The following NDUFAF6 variants were observed in gnomAD, a reference collection of about 807,000 sequenced individuals.
NDUFAF6 encodes NADH:ubiquinone oxidoreductase complex assembly factor 6, also known as NADH dehydrogenase (ubiquinone) complex I, assembly factor 6.
Under a neutral mutation model 40.8 loss-of-function variants are expected in NDUFAF6, and 45 were observed. That is an observed-to-expected ratio of 1.10 (90% confidence interval 0.87 to 1.42). The LOEUF is 1.42. Ranked by LOEUF, NDUFAF6 falls within the 40% of genes most tolerant of loss-of-function variation. NDUFAF6 has a pLI of 0.00. For missense variants in NDUFAF6, 435 were observed against 418.5 expected (o/e 1.04, Z -0.34); for synonymous variants, 185 against 155.9 (o/e 1.19, Z -1.39).
intron 8 of NDUFAF6, among the ~76,000 whole-genome samples, chr8:95,054,233 C>T (rs1050065938): frequency 1.3e-5 from 2 of 151,938 alleles, no homozygotes; most frequent in African/African-American, 4.8e-5. Context: ...AGGCATAAAA[C>T]ACCGTGCCCA....
chr8:94,940,274 A>G lies in NDUFAF6; in HGVS notation c.-935-5209A>G, dbSNP rs1586735281. The G allele has an allele frequency of 2.0e-6, 3 of 1,531,184 alleles. No homozygotes were observed. The East Asian group carries it at 6.8e-5, about 35-fold the overall frequency. 94.8% of individuals were successfully genotyped at this position (1,531,184 alleles called of 1,614,324 possible). On this transcript the variant is annotated intron_variant, in intron 1 of 14. Coordinates refer to the NDUFAF6 transcript ENST00000396113. ...ATGTGTTGTTGAAGAGTCCCACAGG[A>G]GGATGATTATCACATTGGGCAGTCA...
intron 1 of NDUFAF6, chr8:94,895,991 G>C (rs1035510552): frequency 2.6e-5 from 4 of 152,430 alleles, no homozygotes; most frequent in African/African-American, 9.7e-5. Flanking sequence ...CCCATGGGTC[G>C]GTCGCTCCCC....
intron 8 of NDUFAF6, among the ~76,000 whole-genome samples, chr8:95,052,841 G>T (rs573355748): frequency 6.6e-6 from 1 of 152,148 alleles, no homozygotes; most frequent in Non-Finnish European, 1.5e-5. Flanking sequence ...ATTCTGATGC[G>T]TAGACAGGTT....
At chr8:94,963,099 C>T (rs915948594) in intron 1 of NDUFAF6, among the ~76,000 whole-genome samples, 1 of 152,104 alleles carries the variant, frequency 6.6e-6, no homozygotes, top group African/African-American at 2.4e-5. Context: ...CTGGCCCAAA[C>T]TCCTTTTCGT....
intron 2 of NDUFAF6, chr8:94,950,369 G>GT (rs2131418446): frequency 6.6e-6 from 1 of 152,438 alleles, no homozygotes; most frequent in African/African-American, 2.4e-5. Context: ...GGTGAGTAAC[G>GT]TTGATGCCTA....
intron 2 of NDUFAF6, among the ~76,000 whole-genome samples, chr8:95,005,410 C>G (rs1033965472): frequency 4.6e-5 from 7 of 151,584 alleles, no homozygotes; most frequent in African/African-American, 1.7e-4. Context: ...TTTTAATCTT[C>G]CTTCAACCTT....
intron 1 of NDUFAF6, among the ~76,000 whole-genome samples, chr8:94,935,696 T>A (rs765732353): frequency 2.0e-5 from 3 of 152,202 alleles, no homozygotes; most frequent in Non-Finnish European, 2.9e-5. Context: ...TACTGTGGTA[T>A]CAAGATCTAT....
rs184173538 is a variant in NDUFAF6, at chr8:94,902,013, T to C, written c.-936+6086T>C. The stretch of plus-strand genomic sequence containing the variant: ...ACTTCATCACAGATCTCTCCATCTA[T>C]CCATCCATCATTCCATCTTATTTTC... On this transcript the variant is annotated intron_variant, in intron 1 of 14. Coordinates refer to the NDUFAF6 transcript ENST00000396113. 1.5e-4 allele frequency among the ~76,000 whole-genome samples: 23 copies of C among 152,120 alleles called. No homozygotes were observed. The East Asian group carries it at 4.4e-3, about 29-fold the overall frequency.
chr8:95,045,982 T>C (rs1830701803), intron 5 of NDUFAF6, among the ~76,000 whole-genome samples: 1 of 152,100 alleles, frequency 6.6e-6, no homozygotes, highest in Non-Finnish European at 1.5e-5. Context: ...CTTCCTTTCG[T>C]GTTAATAGTA....
At chr8:95,042,263 T>G (rs939305695) in intron 4 of NDUFAF6, among the ~76,000 whole-genome samples, 3 of 152,214 alleles carry the variant, frequency 2.0e-5, no homozygotes, top group Non-Finnish European at 2.9e-5. Flanking sequence ...ATGTGTGACC[T>G]TTCTGATGCA....
chr8:95,025,248 C>T (rs1827958636), intron 1 of NDUFAF6, 43 bp downstream of exon 1: 2 of 1,355,276 alleles, frequency 1.5e-6, no homozygotes, highest in Admixed American at 8.0e-5. Context: ...GAAGCGGGGT[C>T]CCGGGGTGGG....
At chr8:94,933,549 G>C (rs1289949537) in intron 1 of NDUFAF6, among the ~76,000 whole-genome samples, 1 of 152,146 alleles carries the variant, frequency 6.6e-6, no homozygotes, top group Non-Finnish European at 1.5e-5. Context: ...TGGCTCACCT[G>C]AAGTCAGGAG....
chr8:94,906,275 T>G (rs1818386821), intron 1 of NDUFAF6, among the ~76,000 whole-genome samples: 1 of 152,166 alleles, frequency 6.6e-6, no homozygotes, highest in African/African-American at 2.4e-5. Context: ...AACTAATCTA[T>G]TCACCATCCC....
chr8:95,043,444 AGATT>A (rs1830370940), intron 4 of NDUFAF6, among the ~76,000 whole-genome samples: 1 of 150,004 alleles, frequency 6.7e-6, no homozygotes, highest in South Asian at 2.1e-4. Context: ...AAAAATAGAT[AGATT>A]GGACTAAAAG....
Position 95,025,201 on chromosome 8 carries a change from C to T in NDUFAF6, c.193C>T (p.Leu65=). 1.4e-6 allele frequency: 2 copies of T among 1,432,852 alleles called. No homozygotes were observed. Among genetic ancestry groups the T allele is most frequent in the South Asian group, 2.9e-5 (2 of 68,462 alleles). The allele number at this position is 1,432,852 out of a possible 1,614,324, so 88.8% of individuals were successfully genotyped here. The part of the protein sequence containing the change: ...WGTDHYCLEL[L]RKRDYEGYLC... ...CACTGACCACTACTGCCTGGAGCTG[C>T]TGCGGTGAGCGAGCACGACCTTCCC... Residue 65 remains leucine (L), a synonymous_variant, in exon 1 of 9, where the codon CTG becomes TTG. Coordinates refer to ENST00000396124, the MANE Select transcript of NDUFAF6 (RefSeq NM_152416.4).
intron 1 of NDUFAF6, chr8:94,939,979 A>T: frequency 6.2e-7 from 1 of 1,614,226 alleles, no homozygotes; most frequent in South Asian, 1.1e-5. Context: ...GGTTTTCCAT[A>T]GGACTTGTTT....
intron 2 of NDUFAF6, among the ~76,000 whole-genome samples, chr8:95,016,891 GCCT>G (rs1049513916): frequency 8.0e-5 from 12 of 150,940 alleles, no homozygotes; most frequent in African/African-American, 2.9e-4. Context: ...GGCATCTGGT[GCCT>G]CCTCCTCCTC....
intron 2 of NDUFAF6, among the ~76,000 whole-genome samples, chr8:94,982,448 C>T (rs1685846916): frequency 2.0e-5 from 3 of 152,178 alleles, no homozygotes; most frequent in Admixed American, 2.0e-4. Flanking sequence ...ATGACAAAAT[C>T]ACTTAATGAT....
intron 1 of NDUFAF6, among the ~76,000 whole-genome samples, chr8:94,907,114 A>G (rs1415512295): frequency 6.6e-6 from 1 of 152,246 alleles, no homozygotes; most frequent in South Asian, 2.1e-4. Flanking sequence ...TGGCCAGCAC[A>G]AAACAGTCTC....
Sources: gnomAD v4.1 joint callset for allele counts (sites outside exome capture counted in the v4.1 genomes callset) on GRCh38, gnomAD v4.1.1 for gene constraint, MANE v1.5 for transcripts, NCBI Gene and HGNC (gene_info 2026-07-23, HGNC 2026-07-21) for gene names.